The following LRBA variants were observed in gnomAD, a reference collection of about 807,000 sequenced individuals.
LRBA encodes the protein lipopolysaccharide-responsive and beige-like anchor protein.
Under a neutral mutation model 330.0 loss-of-function variants are expected in LRBA, and 176 were observed. That is an observed-to-expected ratio of 0.53 (90% confidence interval 0.47 to 0.60). The LOEUF is 0.60. LRBA is among the 20% of genes least tolerant of loss of function. LRBA has a pLI of 0.00. For synonymous variants in LRBA, 1,230 were observed against 1,193.0 expected, an observed-to-expected ratio of 1.03 and a Z score of -0.64; for missense variants, 3,259 against 3,444.8, an observed-to-expected ratio of 0.95 and a Z score of 1.35.
At chr4:150,788,975 G>A (rs1471125730) in intron 34 of LRBA, among the ~76,000 whole-genome samples, 1 of 151,820 alleles carries the variant, frequency 6.6e-6, no homozygotes, top group African/African-American at 2.4e-5. Flanking sequence ...TCGGAAGGCT[G>A]AGGCAGGAGA....
chr4:150,626,265 A>G (rs780730016), intron 37 of LRBA, among the ~76,000 whole-genome samples: 33 of 152,188 alleles, frequency 2.2e-4, no homozygotes, highest in Non-Finnish European at 3.7e-4. Flanking sequence ...CAAAACTGGC[A>G]CCTACATTTA....
At chr4:150,908,196 G>A in intron 11 of LRBA, 138 bp downstream of exon 11, 1 of 729,472 alleles carries the variant, frequency 1.4e-6, no homozygotes, top group Non-Finnish European at 2.2e-6. Context: ...TAATTAATAT[G>A]GACTTGTAAT....
At chr4:150,511,002 C>T (rs957583157) in intron 40 of LRBA, among the ~76,000 whole-genome samples, 16 of 152,144 alleles carry the variant, frequency 1.1e-4, no homozygotes, top group African/African-American at 2.9e-4. Flanking sequence ...ACTACAGGCA[C>T]GTGCCACCAT....
At chr4:150,283,416 G>A (rs1301471474) in intron 54 of LRBA, among the ~76,000 whole-genome samples, 1 of 152,190 alleles carries the variant, frequency 6.6e-6, no homozygotes, top group Non-Finnish European at 1.5e-5. Context: ...GCAAGGCAAA[G>A]AAGGAATAAG....
chr4:150,522,790 G>T (rs774047013), intron 40 of LRBA, among the ~76,000 whole-genome samples: 7 of 152,206 alleles, frequency 4.6e-5, no homozygotes, highest in African/African-American at 7.2e-5. Flanking sequence ...AATAGCTGTG[G>T]AGGCATGACT....
At chr4:150,432,608 C>T (rs1428153197) in intron 46 of LRBA, among the ~76,000 whole-genome samples, 2 of 151,450 alleles carry the variant, frequency 1.3e-5, no homozygotes, top group African/African-American at 2.4e-5. Flanking sequence ...CAGGTGCCTG[C>T]CACATTTTTT....
chr4:150,408,928 C>T lies in LRBA; in HGVS notation c.7194+6510G>A, dbSNP rs189192255. On this transcript the variant is annotated intron_variant, in intron 47 of 56. Transcript: ENST00000651943. ...TTGTTTGTGGCATAAAATAAGGTTC[C>T]AATTAAAATTTTTTTCCCCATATAT... 3.0e-4 allele frequency among the ~76,000 whole-genome samples: 46 copies of T among 151,840 alleles called. No homozygotes were observed. The East Asian group carries it at 8.5e-3, about 28-fold the overall frequency.
At chr4:150,586,670 A>G (rs1055205564) in intron 40 of LRBA, among the ~76,000 whole-genome samples, 1 of 152,150 alleles carries the variant, frequency 6.6e-6, no homozygotes, top group Non-Finnish European at 1.5e-5. Flanking sequence ...CAGATCAGAG[A>G]GAGACAAAAC....
At chr4:150,541,588 A>G (rs1765322496) in intron 40 of LRBA, among the ~76,000 whole-genome samples, 1 of 152,256 alleles carries the variant, frequency 6.6e-6, no homozygotes, top group South Asian at 2.1e-4. Context: ...AAAAGGTATC[A>G]ATTTCAGAAG....
At position 150,265,905 on chromosome 4, in the gene LRBA, T is replaced by C. The variant is rs374243405; in HGVS notation, c.8469-93A>G. ...TCTCCCCAAATCCACAAGGTAAATA[T>C]AGAAGCTGGCAGTGAAGGCTCCAAT... On this transcript the variant is annotated intron_variant, in intron 56 of 56. Coordinates refer to ENST00000651943, the MANE Select transcript of LRBA (RefSeq NM_001364905.1). 5 of 777,982 alleles carry C rather than the reference T, an allele frequency of 6.4e-6. No homozygotes were observed. The East Asian group carries it at 7.6e-5, about 12-fold the overall frequency. 48.2% of individuals were successfully genotyped at this position (777,982 alleles called of 1,614,324 possible).
At chr4:150,462,568 A>C (rs1754909077) in intron 44 of LRBA, among the ~76,000 whole-genome samples, 1 of 151,810 alleles carries the variant, frequency 6.6e-6, no homozygotes, top group East Asian at 1.9e-4. Flanking sequence ...GATTACATTA[A>C]TTCAGCTTCA....
chr4:150,951,821 T>C (rs1043513642), intron 2 of LRBA, among the ~76,000 whole-genome samples: 14 of 152,192 alleles, frequency 9.2e-5, no homozygotes, highest in African/African-American at 3.4e-4. Flanking sequence ...AATACTATTA[T>C]ATTCCAATTA....
In LRBA at chr4:150,559,681, ATATTATAT is replaced by A. The variant is rs1234144416; in HGVS notation, c.6330+28359_6330+28366del. Among the ~76,000 whole-genome samples, 366 of 83,262 alleles carry A rather than the reference ATATTATAT, an allele frequency of 4.4e-3. 3 individuals carry two copies. Among genetic ancestry groups the A allele is most frequent in the African/African-American group, 0.017 (348 of 20,286 alleles). The allele number at this position is 83,262 out of a possible 152,430, so 54.6% of individuals were successfully genotyped here. On this transcript the variant is annotated intron_variant, in intron 40 of 56. Coordinates refer to ENST00000651943, the MANE Select transcript of LRBA (RefSeq NM_001364905.1). ...AATTATAATATATATATTATATAAT[ATATTATAT>A]TATATATTATATATTATATAATATT... is the stretch of plus-strand genomic sequence containing the variant.
intron 40 of LRBA, among the ~76,000 whole-genome samples, chr4:150,503,716 C>T (rs571118939): frequency 1.1e-4 from 16 of 152,152 alleles, no homozygotes; most frequent in Non-Finnish European, 2.2e-4. Flanking sequence ...CAGCTCCTCA[C>T]GAGCAACGGA....
chr4:150,338,897 C>T (rs1735090903), intron 48 of LRBA, among the ~76,000 whole-genome samples: 1 of 151,960 alleles, frequency 6.6e-6, no homozygotes, highest in South Asian at 2.1e-4. Context: ...TTATTTGACT[C>T]TTGAAATAGT....
chr4:150,754,170 T>C (rs1483052086), intron 35 of LRBA, among the ~76,000 whole-genome samples: 1 of 144,022 alleles, frequency 6.9e-6, no homozygotes, highest in Non-Finnish European at 1.5e-5. Flanking sequence ...AGGAAGTATA[T>C]TAATGATAAG....
rs868348321 is a variant in LRBA, at chr4:150,814,375, G to A, written c.5305+2749C>T. Among the ~76,000 whole-genome samples the A allele has an allele frequency of 3.3e-5, 5 of 152,046 alleles. No individual in the cohort carries two copies. In the South Asian group the frequency reaches 1.0e-3, roughly 32 times the overall value. On this transcript the variant is annotated intron_variant, in intron 31 of 56. Transcript: ENST00000651943. The stretch of plus-strand genomic sequence containing the variant: ...TAGGCAAAAGCATGTAAAGTGGGGC[G>A]GCAGAAGAGTAAGAAGCAGGACAAC...
At chr4:150,501,259 T>C (rs1308312586) in intron 40 of LRBA, among the ~76,000 whole-genome samples, 2 of 152,168 alleles carry the variant, frequency 1.3e-5, no homozygotes, top group Non-Finnish European at 2.9e-5. Flanking sequence ...ATTCACAGTA[T>C]CTAGCACAAT....
At chr4:150,800,558 T>C (rs1206822277) in intron 33 of LRBA, among the ~76,000 whole-genome samples, 3 of 152,216 alleles carry the variant, frequency 2.0e-5, no homozygotes, top group African/African-American at 7.2e-5. Flanking sequence ...TGTAAATCTC[T>C]CTTCAGATTT....
Sources: allele counts gnomAD v4.1 joint callset (sites outside exome capture counted in the v4.1 genomes callset), GRCh38; gene constraint gnomAD v4.1.1; transcripts MANE v1.5; gene names NCBI Gene and HGNC (gene_info 2026-07-23, HGNC 2026-07-21).